OR2A12: variants seen among roughly 807,000 people sequenced by gnomAD.
The protein encoded by OR2A12 is olfactory receptor family 2 subfamily A member 12.
For synonymous variants in OR2A12, 153 were observed against 149.3 expected (o/e 1.02, Z -0.18); for missense variants, 380 against 372.5 (o/e 1.02, Z -0.17).
intron 1 of OR2A12, among the ~76,000 whole-genome samples, chr7:144,088,292 G>T (rs1007442292): frequency 3.3e-5 from 5 of 152,194 alleles, no homozygotes; most frequent in African/African-American, 1.2e-4. Context: ...GATTACAGGT[G>T]TGAGCCACCG....
At chr7:144,091,703 A>AT (rs991948599) in intron 1 of OR2A12, among the ~76,000 whole-genome samples, 134 of 150,746 alleles carry the variant, frequency 8.9e-4, no homozygotes, top group African/African-American at 2.9e-3. Flanking sequence ...TTTTAATGGG[A>AT]TTTTTTTTTG....
chr7:144,090,373 A>G (rs939323450), intron 1 of OR2A12, among the ~76,000 whole-genome samples: 1 of 151,460 alleles, frequency 6.6e-6, no homozygotes, highest in Non-Finnish European at 1.5e-5. Flanking sequence ...TATTATAGAC[A>G]TATATAAATA....
chr7:144,095,180 T>G lies in OR2A12; in HGVS notation c.73T>G (p.Phe25Val). ...GFQVDPALEL[F>V]LFGFFLLFYS... is the part of the protein sequence containing the mutation. ...CCAGGTGGACCCAGCTCTGGAGTTG[T>G]TCCTCTTTGGGTTTTTCTTGCTATT... is the stretch of plus-strand genomic sequence containing the variant. Residue 25 changes from phenylalanine to valine, a missense_variant, in exon 2 of 2, where the codon TTC (phenylalanine) becomes GTC (valine). By Grantham distance (50) the Phe-to-Val change is conservative. Transcript: ENST00000641592. The G allele has an allele frequency of 1.2e-6, 2 of 1,614,090 alleles. No individual in the cohort carries two copies. Among genetic ancestry groups the G allele is most frequent in the South Asian group, 2.2e-5 (2 of 91,074 alleles).
intron 1 of OR2A12, among the ~76,000 whole-genome samples, chr7:144,088,294 G>C (rs1412255651): frequency 2.0e-5 from 3 of 152,178 alleles, no homozygotes; most frequent in Admixed American, 6.5e-5. Flanking sequence ...TTACAGGTGT[G>C]AGCCACCGCG....
chr7:144,096,955 T>G lies in OR2A12; in HGVS notation c.*915T>G, dbSNP rs1180853145. On this transcript the variant is annotated 3_prime_UTR_variant, in exon 2 of 2. Coordinates refer to ENST00000641592, the MANE Select transcript of OR2A12 (RefSeq NM_001004135.2). ...CAGACACAAAAAAAATCACTTGTTT[T>G]TCTTGATTTCACTTTTTACTAGAGA... 2 of 152,154 alleles carry G rather than the reference T, an allele frequency of 1.3e-5. No homozygotes were observed. Among genetic ancestry groups the G allele is most frequent in the Non-Finnish European group, 2.9e-5 (2 of 68,022 alleles). 9.4% of individuals were successfully genotyped at this position (152,154 alleles called of 1,614,324 possible).
intron 1 of OR2A12, among the ~76,000 whole-genome samples, chr7:144,092,559 G>A (rs568093595): frequency 6.6e-6 from 1 of 152,010 alleles, no homozygotes; most frequent in Non-Finnish European, 1.5e-5. Flanking sequence ...CACCTCTCTG[G>A]TTAGCTGTAT....
chr7:144,090,648 C>T (rs1308148758), intron 1 of OR2A12, among the ~76,000 whole-genome samples: 2 of 151,998 alleles, frequency 1.3e-5, no homozygotes, highest in Non-Finnish European at 2.9e-5. Context: ...AGCCTAGTAC[C>T]CATTAATTGT....
intron 1 of OR2A12, 102 bp downstream of exon 1, chr7:144,086,645 A>T (rs909842892): frequency 2.6e-5 from 4 of 152,192 alleles, no homozygotes; most frequent in Non-Finnish European, 4.4e-5. Flanking sequence ...AGTCCTCAGG[A>T]TAGAAAGAGA....
Position 144,095,756 on chromosome 7 carries a change from T to A in OR2A12, c.649T>A (p.Tyr217Asn), listed in dbSNP as rs1329711035. The A allele has an allele frequency of 1.7e-5, 28 of 1,614,140 alleles. No homozygotes were observed. Among genetic ancestry groups the A allele is most frequent in the East Asian group, 8.9e-5 (4 of 44,850 alleles). Residue 217 changes from tyrosine (Y) to asparagine (N), a missense_variant, in exon 2 of 2, where the codon TAC becomes AAC. Coordinates refer to ENST00000641592, the MANE Select transcript of OR2A12 (RefSeq NM_001004135.2). ...VGPLCLVLVSYLHILVAILRI... is the reference protein window; with the variant it reads ...VGPLCLVLVSNLHILVAILRI... ...GCCGCTCTGCCTGGTGCTGGTCTCC[T>A]ACTTGCACATCCTGGTGGCCATCTT...
rs1247574510 is a variant in OR2A12, at chr7:144,095,725, A to G, written c.618A>G (p.Leu206=). The change falls in exon 2 of 2, where the codon TTA becomes TTG. Residue 206 remains leucine, a synonymous_variant. Coordinates refer to ENST00000641592, the MANE Select transcript of OR2A12 (RefSeq NM_001004135.2). ...TATTTGCGGGTTCTGCGTTCATCTT[A>G]GTGGGGCCGCTCTGCCTGGTGCTGG... The part of the protein sequence containing the change: ...VVLFAGSAFI[L]VGPLCLVLVS... 6.2e-7 allele frequency: 1 copy of G among 1,613,956 alleles called. No individual in the cohort carries two copies. Among genetic ancestry groups the G allele is most frequent in the South Asian group, 1.1e-5 (1 of 91,080 alleles).
intron 1 of OR2A12, among the ~76,000 whole-genome samples, chr7:144,090,393 A>C (rs1200585875): frequency 6.6e-6 from 1 of 151,680 alleles, no homozygotes; most frequent in East Asian, 1.9e-4. Context: ...ATATATATTT[A>C]TATGTATACA....
intron 1 of OR2A12, among the ~76,000 whole-genome samples, chr7:144,094,772 A>C (rs1395473008): frequency 3.9e-5 from 6 of 152,222 alleles, no homozygotes; most frequent in Admixed American, 3.9e-4. Context: ...ACCAGCCTCT[A>C]TCTATTGCCT....
At position 144,095,300 on chromosome 7, in the gene OR2A12, C is replaced by T. The variant is rs1372238342; in HGVS notation, c.193C>T (p.Leu65=). The part of the protein sequence containing the change: ...HTPMYVFLSH[L]AIVDMSYASS... ...ACCCATGTATGTCTTCCTGTCACAC[C>T]TGGCCATTGTGGACATGTCCTATGC... Residue 65 remains leucine (L), a synonymous_variant, in exon 2 of 2, where the codon CTG becomes TTG. Transcript: ENST00000641592. The T allele has an allele frequency of 6.2e-7, 1 of 1,613,828 alleles. No individual in the cohort carries two copies. The highest frequency in any genetic ancestry group is 8.5e-7 in the Non-Finnish European group (1 of 1,179,846).
intron 1 of OR2A12, among the ~76,000 whole-genome samples, chr7:144,089,981 CT>C (rs1391159600): frequency 1.3e-5 from 2 of 152,140 alleles, no homozygotes; most frequent in Non-Finnish European, 2.9e-5. Flanking sequence ...TATTGAGGAT[CT>C]ATAGGTCCTC....
rs566790893 is a variant in OR2A12 at position 144,094,685 on chromosome 7, T to C, written c.-51-372T>C. Among the ~76,000 whole-genome samples the C allele has an allele frequency of 2.0e-5, 3 of 152,316 alleles. No homozygotes were observed. The South Asian group carries it at 6.2e-4, about 32-fold the overall frequency. ...GTCATCAGTAGAGTAGGTACAATGA[T>C]AAAATTGTTCAGTGTCACTGAGCTC... On this transcript the variant is annotated intron_variant, in intron 1 of 1. Coordinates refer to ENST00000641592, the MANE Select transcript of OR2A12 (RefSeq NM_001004135.2).
At chr7:144,092,949 C>T (rs2051236661) in intron 1 of OR2A12, among the ~76,000 whole-genome samples, 1 of 151,858 alleles carries the variant, frequency 6.6e-6, no homozygotes, top group East Asian at 1.9e-4. Context: ...AATATTGATC[C>T]AATAGAAATT....
intron 1 of OR2A12, among the ~76,000 whole-genome samples, chr7:144,089,820 A>C (rs1449492826): frequency 6.6e-6 from 1 of 152,144 alleles, no homozygotes; most frequent in Non-Finnish European, 1.5e-5. Context: ...ATTTAATTTT[A>C]CCCTTTCAAA....
In OR2A12 at chr7:144,095,850, G is replaced by A. The variant is rs1032969121; in HGVS notation, c.743G>A (p.Gly248Glu). Residue 248 changes from glycine to glutamate, a missense_variant, in exon 2 of 2, where the codon GGG (glycine) becomes GAG (glutamate). Transcript: ENST00000641592. ...STCSSHLCVV[G>E]LFFGSAIVMY... ...TGCTCCTCCCACCTCTGCGTGGTGGGGCTTTTCTTTGGCAGCGCCATTGTC... is the reference window on the plus strand; with the variant it reads ...TGCTCCTCCCACCTCTGCGTGGTGGAGCTTTTCTTTGGCAGCGCCATTGTC... The A allele has an allele frequency of 3.7e-6, 6 of 1,613,904 alleles. No individual in the cohort carries two copies. Among genetic ancestry groups the A allele is most frequent in the Non-Finnish European group, 4.2e-6 (5 of 1,180,008 alleles).
At position 144,095,625 on chromosome 7, in the gene OR2A12, T is replaced by C; in HGVS notation, c.518T>C (p.Ile173Thr). The C allele has an allele frequency of 6.2e-7, 1 of 1,614,126 alleles. No individual in the cohort carries two copies. Among genetic ancestry groups the C allele is most frequent in the Non-Finnish European group, 8.5e-7 (1 of 1,180,020 alleles). Residue 173 changes from isoleucine (I) to threonine (T), a missense_variant, in exon 2 of 2, where the codon ATC (isoleucine) becomes ACC (threonine). Coordinates refer to ENST00000641592, the MANE Select transcript of OR2A12 (RefSeq NM_001004135.2). ...LRLPFCGPQKINHFFCQIMSV... is the reference protein window; with the variant it reads ...LRLPFCGPQKTNHFFCQIMSV... ...CTGCCTTTTTGTGGCCCACAAAAGA[T>C]CAACCACTTTTTCTGTCAAATCATG...
Sources: allele counts gnomAD v4.1 joint callset (sites outside exome capture counted in the v4.1 genomes callset), GRCh38; gene constraint gnomAD v4.1.1; transcripts MANE v1.5; gene names NCBI Gene and HGNC (gene_info 2026-07-23, HGNC 2026-07-21).